SNCAIP: variants seen among roughly 807,000 people sequenced by gnomAD.
SNCAIP encodes the protein synphilin-1.
A neutral mutation model predicts 86.7 loss-of-function variants in SNCAIP; 43 were observed. The ratio of observed to expected loss-of-function variants is 0.50; its 90% CI spans 0.39 to 0.64. The LOEUF is 0.64. SNCAIP is among the 30% of genes least tolerant of loss of function. The probability of loss-of-function intolerance (pLI) is 0.00; values close to 1 mark genes in which losing one functional copy is unlikely to be tolerated. For missense variants in SNCAIP, 981 were observed against 1,103.1 expected (o/e 0.89, Z 1.57); for synonymous variants, 417 against 427.2 (o/e 0.98, Z 0.29).
intron 3 of SNCAIP, among the ~76,000 whole-genome samples, chr5:122,418,492 CA>C (rs1290807404): frequency 6.6e-6 from 1 of 152,114 alleles, no homozygotes; most frequent in East Asian, 1.9e-4. Context: ...TGGTCACTTG[CA>C]ATAAATTCAA....
chr5:122,426,918 C>T (rs1451493442), intron 5 of SNCAIP, among the ~76,000 whole-genome samples: 1 of 152,154 alleles, frequency 6.6e-6, no homozygotes, highest in Non-Finnish European at 1.5e-5. Context: ...ATAGTCCCTA[C>T]TCTTAAGGAG....
Position 122,451,617 on chromosome 5 carries a change from A to G in SNCAIP, c.2754+16A>G, listed in dbSNP as rs1450810063. The G allele has an allele frequency of 6.6e-7, 1 of 1,524,124 alleles. No individual in the cohort carries two copies. The highest frequency in any genetic ancestry group is 9.1e-7 in the Non-Finnish European group (1 of 1,098,516). The allele number at this position is 1,524,124 out of a possible 1,614,324, so 94.4% of individuals were successfully genotyped here. A position where few individuals can be genotyped will look rare whatever the true frequency, so the allele number is the denominator to read the frequency against. ...GAATAAGGCAGTAAGTGCTATTTGG[A>G]GAATATTCTTTTTTTTCCTTCAAAT... On this transcript the variant is annotated intron_variant, in intron 10 of 10. Transcript: ENST00000261368.
chr5:122,415,595 G>A (rs777698106), intron 3 of SNCAIP, among the ~76,000 whole-genome samples: 35 of 152,170 alleles, frequency 2.3e-4, no homozygotes, highest in Non-Finnish European at 3.4e-4. Flanking sequence ...AGAGGGCAGG[G>A]ATTTTTCAGC....
chr5:122,448,223 C>G (rs1322952124), intron 8 of SNCAIP, among the ~76,000 whole-genome samples: 1 of 152,094 alleles, frequency 6.6e-6, no homozygotes, highest in Admixed American at 6.5e-5. Context: ...CATGTCCTGG[C>G]TCGTGAGAGC....
At position 122,406,023 on chromosome 5, in the gene SNCAIP, G is replaced by A. The variant is rs542543153; in HGVS notation, c.130+2158G>A. ...AAGACTCAGGACTCTTAATGGAATT[G>A]CATGTACATTTCCAATTTGATGGAC... On this transcript the variant is annotated intron_variant, in intron 3 of 10. Coordinates refer to ENST00000261368, the MANE Select transcript of SNCAIP (RefSeq NM_005460.4). Among the ~76,000 whole-genome samples, 65 of 152,284 alleles carry A rather than the reference G, an allele frequency of 4.3e-4. No individual in the cohort carries two copies. The Middle Eastern group carries it at 0.017, about 40-fold the overall frequency.
chr5:122,333,310 T>TA (rs915355810), intron 1 of SNCAIP, among the ~76,000 whole-genome samples: 5 of 152,220 alleles, frequency 3.3e-5, no homozygotes, highest in African/African-American at 7.2e-5. Context: ...CTGTTATGGT[T>TA]AAAAAATGTG....
intron 10 of SNCAIP, among the ~76,000 whole-genome samples, chr5:122,453,384 A>G (rs1784101277): frequency 6.6e-6 from 1 of 152,160 alleles, no homozygotes; most frequent in Non-Finnish European, 1.5e-5. Context: ...ACAGAGCTTT[A>G]ATTTTATTTC....
At chr5:122,457,541 C>T (rs986689075) in intron 10 of SNCAIP, among the ~76,000 whole-genome samples, 1 of 152,072 alleles carries the variant, frequency 6.6e-6, no homozygotes, top group Non-Finnish European at 1.5e-5. Flanking sequence ...TCCGTGGTTC[C>T]TCCCCACCAA....
intron 3 of SNCAIP, among the ~76,000 whole-genome samples, chr5:122,405,836 C>G (rs56302477): frequency 0.011 from 1,700 of 152,242 alleles, 30 homozygotes; most frequent in African/African-American, 0.037. Context: ...CCAGGTCTTA[C>G]AATTTCTAGT....
At chr5:122,330,214 C>T (rs1449047249) in intron 1 of SNCAIP, among the ~76,000 whole-genome samples, 1 of 149,456 alleles carries the variant, frequency 6.7e-6, no homozygotes, top group African/African-American at 2.5e-5. Flanking sequence ...CTCCGCCTCC[C>T]GGGTTCACGC....
intron 7 of SNCAIP, 81 bp from the exon 8 acceptor site, chr5:122,444,482 C>A (rs1273889929): frequency 2.3e-6 from 3 of 1,304,170 alleles, no homozygotes; most frequent in Non-Finnish European, 3.3e-6. Context: ...TCTCTTCATA[C>A]TATTCAACAT....
At chr5:122,369,128 A>T (rs1056874884) in intron 1 of SNCAIP, among the ~76,000 whole-genome samples, 1 of 152,196 alleles carries the variant, frequency 6.6e-6, no homozygotes, top group African/African-American at 2.4e-5. Flanking sequence ...GTATAGGTTC[A>T]GACTCAGAAT....
chr5:122,319,268 G>T (rs1319814618), intron 1 of SNCAIP, among the ~76,000 whole-genome samples: 1 of 151,934 alleles, frequency 6.6e-6, no homozygotes, highest in Non-Finnish European at 1.5e-5. Context: ...ATTTAAAGAG[G>T]TAAGGGCTCC....
chr5:122,322,761 A>G (rs1753230941), intron 1 of SNCAIP, among the ~76,000 whole-genome samples: 2 of 152,208 alleles, frequency 1.3e-5, no homozygotes, highest in Admixed American at 1.3e-4. Flanking sequence ...AATAGCATAC[A>G]TTCTATAGCA....
chr5:122,458,116 A>C (rs890533428), intron 10 of SNCAIP, among the ~76,000 whole-genome samples: 1 of 152,186 alleles, frequency 6.6e-6, no homozygotes, highest in African/African-American at 2.4e-5. Context: ...TCAAAGTATG[A>C]TATGTTGAGA....
intron 1 of SNCAIP, chr5:122,371,592 G>A (rs1188167023): frequency 6.6e-6 from 1 of 152,128 alleles, no homozygotes; most frequent in East Asian, 1.9e-4. Flanking sequence ...TATATGTTGG[G>A]TGTACCAATT....
intron 6 of SNCAIP, among the ~76,000 whole-genome samples, chr5:122,438,476 A>C (rs1780037468): frequency 6.6e-6 from 1 of 152,168 alleles, no homozygotes; most frequent in Non-Finnish European, 1.5e-5. Context: ...CCCTGACTGG[A>C]ATGATCAGAT....
chr5:122,317,545 G>C (rs371734735), intron 1 of SNCAIP, among the ~76,000 whole-genome samples: 5 of 152,268 alleles, frequency 3.3e-5, no homozygotes, highest in Admixed American at 1.3e-4. Context: ...CCCAGTCCTG[G>C]AGGCTTTTGG....
intron 1 of SNCAIP, among the ~76,000 whole-genome samples, chr5:122,359,973 G>A (rs1453156191): frequency 6.6e-6 from 1 of 152,104 alleles, no homozygotes; most frequent in Admixed American, 6.6e-5. Flanking sequence ...ATGCTGCAAG[G>A]ATTCCTGTAT....
Sources: allele counts gnomAD v4.1 joint callset (sites outside exome capture counted in the v4.1 genomes callset), GRCh38; gene constraint gnomAD v4.1.1; transcripts MANE v1.5; gene names NCBI Gene and HGNC (gene_info 2026-07-23, HGNC 2026-07-21).